The following NTRK2 variants were observed in gnomAD, a reference collection of about 807,000 sequenced individuals.
NTRK2 encodes the protein neurotrophic receptor tyrosine kinase 2.
A neutral mutation model predicts 94.5 loss-of-function variants in NTRK2; 13 were observed. That is an observed-to-expected ratio of 0.14 (90% confidence interval 0.09 to 0.22). The LOEUF (loss-of-function observed/expected upper bound fraction) is 0.22. Ranked by LOEUF, NTRK2 falls within the 10% of genes least tolerant of loss-of-function variation. The pLI is 1.00. For synonymous variants in NTRK2, 372 were observed against 407.4 expected (o/e 0.91, Z 1.05); for missense variants, 639 against 1,071.2 (o/e 0.60, Z 5.63).
At position 84,877,320 on chromosome 9, in the gene NTRK2, C is replaced by G. The variant is rs202226769; in HGVS notation, c.1633+9889C>G. ...CCACTTGTCTCAGTATGAGGAAGAA[C>G]TTTGGTGTGAGGGCGGAGCTATGTG... is the stretch of plus-strand genomic sequence containing the variant. On this transcript the variant is annotated intron_variant, in intron 14 of 18. Transcript: ENST00000277120. 749 of 1,066,018 alleles carry G rather than the reference C, an allele frequency of 7.0e-4. 5 individuals are homozygous for G. In the African/African-American group the frequency reaches 0.011, roughly 16 times the overall value. The allele number at this position is 1,066,018 out of a possible 1,614,324, so 66.0% of individuals were successfully genotyped here.
chr9:84,902,955 C>T (rs1455732260), intron 14 of NTRK2, among the ~76,000 whole-genome samples: 2 of 152,210 alleles, frequency 1.3e-5, no homozygotes, highest in Non-Finnish European at 2.9e-5. Context: ...GTTTCACATG[C>T]TTACAAACAA....
intron 4 of NTRK2, among the ~76,000 whole-genome samples, chr9:84,707,072 C>T (rs776717427): frequency 2.0e-5 from 3 of 152,130 alleles, no homozygotes; most frequent in Non-Finnish European, 4.4e-5. Flanking sequence ...AGGGTTATGG[C>T]TCTGAGTTTC....
Position 84,685,051 on chromosome 9 carries a change from G to A in NTRK2, c.212+14091G>A, listed in dbSNP as rs1239279575. Among the ~76,000 whole-genome samples the A allele has an allele frequency of 5.9e-5, 9 of 151,410 alleles. No homozygotes were observed. In the East Asian group the frequency reaches 1.7e-3, roughly 29 times the overall value. ...ATTCCCTTTTCTAAGAGTATAAAAT[G>A]AGCAATTTTATATTTTCTTCTACTA... On this transcript the variant is annotated intron_variant, in intron 2 of 18. Transcript: ENST00000277120.
intron 2 of NTRK2, among the ~76,000 whole-genome samples, chr9:84,672,080 G>A (rs567587454): frequency 4.6e-5 from 7 of 152,158 alleles, no homozygotes; most frequent in Non-Finnish European, 8.8e-5. Context: ...GTGGCCTTCC[G>A]GTTGTCGAGT....
intron 8 of NTRK2, 45 bp downstream of exon 8, chr9:84,724,401 G>A (rs1319129658): frequency 1.9e-6 from 3 of 1,612,700 alleles, no homozygotes; most frequent in Non-Finnish European, 2.5e-6. Flanking sequence ...AAATGATCAT[G>A]GACGTACCTA....
At chr9:84,930,104 C>A (rs775516316) in intron 14 of NTRK2, among the ~76,000 whole-genome samples, 1 of 152,226 alleles carries the variant, frequency 6.6e-6, no homozygotes, top group Non-Finnish European at 1.5e-5. Flanking sequence ...AAGTCTTAGA[C>A]CACAATGAGA....
intron 12 of NTRK2, among the ~76,000 whole-genome samples, chr9:84,790,104 T>C (rs1564281576): frequency 1.3e-5 from 2 of 152,160 alleles, no homozygotes; most frequent in Non-Finnish European, 2.9e-5. Context: ...ATAGACAGAC[T>C]CTTGGTCTGG....
At chr9:84,962,180 C>T (rs959544811) in intron 17 of NTRK2, among the ~76,000 whole-genome samples, 6 of 152,110 alleles carry the variant, frequency 3.9e-5, no homozygotes, top group Admixed American at 2.0e-4. Context: ...GAAATAGATC[C>T]GCCAAACAGA....
chr9:84,730,783 CAA>C, intron 9 of NTRK2, among the ~76,000 whole-genome samples: 1,230 of 23,870 alleles, frequency 0.052, 25 homozygotes, highest in African/African-American at 0.14. Flanking sequence ...AAACAAATAG[CAA>C]AAAAAAAAAA....
intron 2 of NTRK2, among the ~76,000 whole-genome samples, chr9:84,677,369 G>C (rs2059124135): frequency 6.6e-6 from 1 of 152,110 alleles, no homozygotes; most frequent in Non-Finnish European, 1.5e-5. Flanking sequence ...CAGGATTATT[G>C]GCTCCCATCC....
At chr9:84,801,842 G>A (rs2070496865) in intron 12 of NTRK2, among the ~76,000 whole-genome samples, 1 of 152,156 alleles carries the variant, frequency 6.6e-6, no homozygotes, top group African/African-American at 2.4e-5. Context: ...ATGAATGAAA[G>A]GAAAATTAAT....
At chr9:85,020,161 G>A (rs749434707) in intron 17 of NTRK2, 45 bp from the exon 18 acceptor site, 1 of 1,611,310 alleles carries the variant, frequency 6.2e-7, no homozygotes, top group Admixed American at 1.7e-5. Context: ...TCCACACCTG[G>A]TTTCGGGGTG....
chr9:84,800,243 C>T (rs2070249845), intron 12 of NTRK2, among the ~76,000 whole-genome samples: 1 of 151,890 alleles, frequency 6.6e-6, no homozygotes, highest in Non-Finnish European at 1.5e-5. Flanking sequence ...CGCTCTGTCG[C>T]CCAGGCTGGA....
intron 14 of NTRK2, among the ~76,000 whole-genome samples, chr9:84,925,010 T>C (rs2077706281): frequency 1.3e-5 from 2 of 152,204 alleles, no homozygotes; most frequent in South Asian, 4.2e-4. Context: ...CCCTTGGGAA[T>C]CTCTGAAGGT....
At chr9:84,985,824 A>G (rs928673334) in intron 17 of NTRK2, among the ~76,000 whole-genome samples, 2 of 152,214 alleles carry the variant, frequency 1.3e-5, no homozygotes, top group Non-Finnish European at 2.9e-5. Flanking sequence ...AGGATCACAC[A>G]GTTTAATTAA....
chr9:84,732,235 C>T (rs561875456), intron 9 of NTRK2, among the ~76,000 whole-genome samples: 28 of 152,264 alleles, frequency 1.8e-4, no homozygotes, highest in African/African-American at 6.5e-4. Flanking sequence ...TCTTTAAAAT[C>T]GATTCAGTAT....
intron 17 of NTRK2, among the ~76,000 whole-genome samples, chr9:85,004,662 CA>C (rs1338187159): frequency 6.6e-6 from 1 of 151,630 alleles, no homozygotes. Context: ...GGAAGATGCA[CA>C]AAAAAAAGAA....
chr9:84,795,471 C>T (rs2069201989), intron 12 of NTRK2, among the ~76,000 whole-genome samples: 1 of 152,176 alleles, frequency 6.6e-6, no homozygotes, highest in South Asian at 2.1e-4. Flanking sequence ...GGTCCCTGCA[C>T]ATGCTGGTGC....
chr9:84,888,183 A>G (rs1302085723), intron 14 of NTRK2, among the ~76,000 whole-genome samples: 1 of 152,218 alleles, frequency 6.6e-6, no homozygotes. Flanking sequence ...AGAGAACTTA[A>G]CCAGTTCTGG....
Sources: allele counts gnomAD v4.1 joint callset (sites outside exome capture counted in the v4.1 genomes callset), GRCh38; gene constraint gnomAD v4.1.1; transcripts MANE v1.5; gene names NCBI Gene and HGNC (gene_info 2026-07-23, HGNC 2026-07-21).